CTNNA1: variants seen among roughly 807,000 people sequenced by gnomAD.
CTNNA1 encodes catenin alpha 1, also known as catenin alpha-1.
In CTNNA1, 37 loss-of-function variants were observed where a neutral mutation model predicts 98.4. That is an observed-to-expected ratio of 0.38 (90% confidence interval 0.29 to 0.49). The LOEUF is 0.49. Ranked by LOEUF, CTNNA1 falls within the 20% of genes least tolerant of loss-of-function variation. The pLI is 0.95. For synonymous variants in CTNNA1, 404 were observed against 413.2 expected (o/e 0.98, Z 0.27); for missense variants, 761 against 1,147.2 (o/e 0.66, Z 4.86).
At chr5:138,900,719 A>G (rs1757849933) in intron 9 of CTNNA1, among the ~76,000 whole-genome samples, 2 of 152,218 alleles carry the variant, frequency 1.3e-5, no homozygotes, top group African/African-American at 4.8e-5. Context: ...TCTGTCATGT[A>G]CAGATGTCTA....
At chr5:138,926,888 C>T (rs917697695) in intron 13 of CTNNA1, among the ~76,000 whole-genome samples, 1 of 152,196 alleles carries the variant, frequency 6.6e-6, no homozygotes. Flanking sequence ...CACCTGTCTG[C>T]GCACCTTGCC....
chr5:138,833,809 A>G (rs1315026326), intron 7 of CTNNA1, among the ~76,000 whole-genome samples: 2 of 152,200 alleles, frequency 1.3e-5, no homozygotes, highest in Admixed American at 1.3e-4. Flanking sequence ...AATTGGTTCA[A>G]TTTAGGACCT....
intron 5 of CTNNA1, among the ~76,000 whole-genome samples, chr5:138,823,817 C>T (rs543797186): frequency 4.5e-4 from 68 of 150,672 alleles, no homozygotes; most frequent in Admixed American, 1.4e-3. Flanking sequence ...ATTAGCCGGG[C>T]GTAGTGGCGG....
At chr5:138,908,098 C>T (rs1311008055) in intron 10 of CTNNA1, among the ~76,000 whole-genome samples, 1 of 152,116 alleles carries the variant, frequency 6.6e-6, no homozygotes, top group African/African-American at 2.4e-5. Context: ...CTGTCCCAGC[C>T]TCCCAAGTAG....
intron 7 of CTNNA1, among the ~76,000 whole-genome samples, chr5:138,840,698 A>G (rs987025820): frequency 7.9e-5 from 12 of 151,252 alleles, no homozygotes; most frequent in Non-Finnish European, 1.6e-4. Context: ...ATCAATCATA[A>G]CTTTCTACCC....
chr5:138,796,203 A>G (rs964578280), intron 3 of CTNNA1, among the ~76,000 whole-genome samples: 2 of 152,236 alleles, frequency 1.3e-5, no homozygotes, highest in Non-Finnish European at 2.9e-5. Flanking sequence ...GGAGTATAGT[A>G]TTAATAAATA....
In CTNNA1 at chr5:138,810,125, C is replaced by T. The variant is rs1758523143; in HGVS notation, c.389C>T (p.Ala130Val). 3 of 1,614,164 alleles carry T rather than the reference C, an allele frequency of 1.9e-6. No individual in the cohort carries two copies. Among genetic ancestry groups the T allele is most frequent in the Admixed American group, 1.7e-5 (1 of 60,000 alleles). ...GGCAACATGGTTCGGGCAGCTCGAG[C>T]TTTGCTCTCTGCTGTTACCCGGTTG... ...KRGNMVRAAR[A>V]LLSAVTRLLI... The change falls in exon 4 of 18, where the codon GCT becomes GTT. Residue 130 changes from alanine to valine, a missense_variant. Ala to Val is a moderately conservative substitution (Grantham distance 64, BLOSUM62 0). This residue lies in a region of CTNNA1 where 328 missense variants were observed against 354.3 expected (regional missense o/e 0.93). Coordinates refer to ENST00000302763, the MANE Select transcript of CTNNA1 (RefSeq NM_001903.5).
At chr5:138,825,613 A>G (rs764895065) in intron 6 of CTNNA1, among the ~76,000 whole-genome samples, 1 of 150,192 alleles carries the variant, frequency 6.7e-6, no homozygotes, top group Non-Finnish European at 1.5e-5. Flanking sequence ...GCTATGAAAT[A>G]TAGAATAAAA....
intron 1 of CTNNA1, among the ~76,000 whole-genome samples, chr5:138,772,829 A>G (rs963069736): frequency 1.4e-5 from 2 of 146,616 alleles, no homozygotes; most frequent in African/African-American, 2.5e-5. Context: ...CATTTTATAG[A>G]TAGATGAAAA....
At position 138,904,459 on chromosome 5, in the gene CTNNA1, C is replaced by G. The variant is rs1758736581; in HGVS notation, c.1389+18C>G. On this transcript the variant is annotated intron_variant, in intron 10 of 17. Transcript: ENST00000302763. ...GTCCTCAGGTAAAGTACAACTGACA[C>G]TGGTGACAGCATAACCAAATTAAAT... The G allele has an allele frequency of 6.2e-7, 1 of 1,603,838 alleles. No individual in the cohort carries two copies. The highest frequency in any genetic ancestry group is 1.3e-5 in the African/African-American group (1 of 74,280).
At chr5:138,860,570 G>T (rs1038582331) in intron 7 of CTNNA1, among the ~76,000 whole-genome samples, 2 of 152,008 alleles carry the variant, frequency 1.3e-5, no homozygotes, top group Non-Finnish European at 2.9e-5. Flanking sequence ...GTCTCAGCTC[G>T]CTGCATCCTC....
intron 1 of CTNNA1, among the ~76,000 whole-genome samples, chr5:138,773,373 G>C (rs982317585): frequency 6.6e-6 from 1 of 152,206 alleles, no homozygotes; most frequent in Non-Finnish European, 1.5e-5. Flanking sequence ...GGAAAGAACT[G>C]GTCTTCTGAG....
In CTNNA1 at chr5:138,811,892, A is replaced by G. The variant is rs539568219; in HGVS notation, c.469-291A>G. On this transcript the variant is annotated intron_variant, in intron 4 of 17. Coordinates refer to ENST00000302763, the MANE Select transcript of CTNNA1 (RefSeq NM_001903.5). Reference sequence around the variant, plus strand: ...CAGTACAGTCCAGCTTCAGCTCGGCATCAGAGGGAGACCGTGGAAAGAGAG... The same window carrying G: ...CAGTACAGTCCAGCTTCAGCTCGGCGTCAGAGGGAGACCGTGGAAAGAGAG... 4.3e-5 allele frequency: 12 copies of G among 278,198 alleles called. 1 individual carries two copies. Among genetic ancestry groups the G allele is most frequent in the South Asian group, 3.7e-4 (10 of 26,940 alleles). The allele number at this position is 278,198 out of a possible 1,614,324, so 17.2% of individuals were successfully genotyped here. A position where few individuals can be genotyped will look rare whatever the true frequency, so the allele number is the denominator to read the frequency against.
At position 138,921,594 on chromosome 5, in the gene CTNNA1, TG is replaced by T. The variant is rs1301204088; in HGVS notation, c.1547-2915del. On this transcript the variant is annotated intron_variant, in intron 11 of 17. Coordinates refer to ENST00000302763, the MANE Select transcript of CTNNA1 (RefSeq NM_001903.5). ...GGAAGTGGTGAAGTTAGATTAGTGG[TG>T]ATTTTTTTTTTTTTTTTTTTTTTTG... Among the ~76,000 whole-genome samples, 106 of 142,208 alleles carry T rather than the reference TG, an allele frequency of 7.5e-4. 1 individual carries two copies. The highest frequency in any genetic ancestry group is 2.0e-4 in the Non-Finnish European group (13 of 65,914). 93.3% of individuals were successfully genotyped at this position (142,208 alleles called of 152,430 possible).
chr5:138,830,909 C>G (rs1258253125), intron 7 of CTNNA1, among the ~76,000 whole-genome samples: 1 of 152,114 alleles, frequency 6.6e-6, no homozygotes, highest in Non-Finnish European at 1.5e-5. Flanking sequence ...GCTTTCTCTT[C>G]TAGAAGATTT....
rs536319754 is a variant in CTNNA1, at chr5:138,908,723, T to C, written c.1389+4282T>C. ...GAAGTAATCTAAAAGTGGCTATATT[T>C]TGTTGGGAGAAGGAACCCACATTTT... On this transcript the variant is annotated intron_variant, in intron 10 of 17. Coordinates refer to ENST00000302763, the MANE Select transcript of CTNNA1 (RefSeq NM_001903.5). Among the ~76,000 whole-genome samples, 8 of 152,244 alleles carry C rather than the reference T, an allele frequency of 5.3e-5. No individual in the cohort carries two copies. In the East Asian group the frequency reaches 1.5e-3, roughly 29 times the overall value.
In CTNNA1 at chr5:138,803,586, G is replaced by C. The variant is rs528073561; in HGVS notation, c.302-6452G>C. Among the ~76,000 whole-genome samples the C allele has an allele frequency of 2.6e-5, 4 of 152,198 alleles. No individual in the cohort carries two copies. In the South Asian group the frequency reaches 8.3e-4, roughly 32 times the overall value. On this transcript the variant is annotated intron_variant, in intron 3 of 17. Coordinates refer to ENST00000302763, the MANE Select transcript of CTNNA1 (RefSeq NM_001903.5). ...TGTGCTAGCCACATTGGCTTCCTTG[G>C]CCTTCCATAATCTTTTTAGATCTTT...
intron 7 of CTNNA1, among the ~76,000 whole-genome samples, chr5:138,883,893 C>T (rs1753478321): frequency 6.6e-6 from 1 of 152,134 alleles, no homozygotes; most frequent in Non-Finnish European, 1.5e-5. Flanking sequence ...GTCTTAGATC[C>T]TGGTATTTTG....
intron 1 of CTNNA1, among the ~76,000 whole-genome samples, chr5:138,776,441 C>T (rs1175762928): frequency 1.3e-5 from 2 of 152,184 alleles, no homozygotes; most frequent in South Asian, 4.1e-4. Flanking sequence ...CCGTGTCTGC[C>T]TCTTTCTACA....
Sources: gnomAD v4.1 joint callset for allele counts (sites outside exome capture counted in the v4.1 genomes callset) on GRCh38, gnomAD v4.1.1 for gene constraint, gnomAD v4.1.1 regional missense constraint, MANE v1.5 for transcripts, NCBI Gene and HGNC (gene_info 2026-07-23, HGNC 2026-07-21) for gene names.